The following RNF180 variants were observed in gnomAD, a reference collection of about 807,000 sequenced individuals.
RNF180 encodes the protein ring finger protein 180.
A neutral mutation model predicts 59.2 loss-of-function variants in RNF180; 38 were observed. The ratio of observed to expected loss-of-function variants is 0.64; its 90% CI spans 0.50 to 0.84. The LOEUF is 0.84. Ranked by LOEUF, RNF180 falls within the 40% of genes least tolerant of loss-of-function variation. The pLI, the probability that RNF180 is intolerant of heterozygous loss-of-function variation, is 0.00. For synonymous variants in RNF180, 262 were observed against 240.3 expected (o/e 1.09, Z -0.84); for missense variants, 705 against 700.9 (o/e 1.01, Z -0.07).
chr5:64,218,938 C>T (rs112477309), intron 5 of RNF180, among the ~76,000 whole-genome samples: 18 of 152,052 alleles, frequency 1.2e-4, no homozygotes, highest in African/African-American at 4.3e-4. Flanking sequence ...CTTGACGTTT[C>T]TTGTCAGATT....
chr5:64,221,353 G>A (rs957362189), intron 5 of RNF180, among the ~76,000 whole-genome samples: 9 of 151,950 alleles, frequency 5.9e-5, no homozygotes, highest in Non-Finnish European at 7.4e-5. Context: ...CAAAATAGTC[G>A]TTTAGTAAAG....
At chr5:64,171,434 A>G (rs1199695516) in intron 1 of RNF180, among the ~76,000 whole-genome samples, 1 of 152,196 alleles carries the variant, frequency 6.6e-6, no homozygotes, top group Non-Finnish European at 1.5e-5. Context: ...GAGCCCATCC[A>G]GAGAACATAT....
rs145543976 is a variant in RNF180 at position 64,255,267 on chromosome 5, A to T, written c.1227+37871A>T. Among the ~76,000 whole-genome samples the T allele has an allele frequency of 4.7e-3, 709 of 152,192 alleles. 21 individuals carry two copies. In the East Asian group the frequency reaches 0.068, roughly 15 times the overall value. Reference sequence around the variant, plus strand: ...TGTGCACAACGTGCAGGTTTGTTGCATATGTATACATGTGCCATGTTAGTG... The same window carrying T: ...TGTGCACAACGTGCAGGTTTGTTGCTTATGTATACATGTGCCATGTTAGTG... On this transcript the variant is annotated intron_variant, in intron 5 of 7. Transcript: ENST00000389100.
chr5:64,259,085 T>C (rs1174129010), intron 5 of RNF180, among the ~76,000 whole-genome samples: 7 of 152,152 alleles, frequency 4.6e-5, no homozygotes, highest in Non-Finnish European at 1.0e-4. Context: ...GAGCACTAAT[T>C]TGAAAGAGGA....
intron 5 of RNF180, among the ~76,000 whole-genome samples, chr5:64,297,513 T>C (rs1171656634): frequency 1.3e-5 from 2 of 152,072 alleles, no homozygotes; most frequent in Non-Finnish European, 2.9e-5. Flanking sequence ...TTTTCCTTTA[T>C]ATAAATTCAT....
chr5:64,172,535 G>A (rs746129981), intron 1 of RNF180, among the ~76,000 whole-genome samples: 18 of 152,166 alleles, frequency 1.2e-4, no homozygotes, highest in Non-Finnish European at 2.2e-4. Context: ...TGGGAAAATC[G>A]TGGATGAGCC....
At chr5:64,243,632 CA>C (rs1742962276) in intron 5 of RNF180, among the ~76,000 whole-genome samples, 1 of 152,196 alleles carries the variant, frequency 6.6e-6, no homozygotes, top group South Asian at 2.1e-4. Context: ...TAGGACAGAG[CA>C]GCTGGGGGAA....
chr5:64,179,874 T>A (rs935280857), intron 1 of RNF180, among the ~76,000 whole-genome samples: 8 of 152,208 alleles, frequency 5.3e-5, no homozygotes, highest in African/African-American at 1.9e-4. Context: ...GAGATTCTTC[T>A]TGTTGCTCCA....
chr5:64,263,268 T>G (rs1399221393), intron 5 of RNF180, among the ~76,000 whole-genome samples: 5 of 152,314 alleles, frequency 3.3e-5, no homozygotes, highest in Admixed American at 3.3e-4. Context: ...AAAACAGCAG[T>G]GTGCTGGGGA....
intron 7 of RNF180, among the ~76,000 whole-genome samples, chr5:64,353,654 T>A (rs533777174): frequency 6.6e-6 from 1 of 151,760 alleles, no homozygotes; most frequent in African/African-American, 2.4e-5. Flanking sequence ...AAGGAAAAAA[T>A]TGAAATATGT....
chr5:64,272,643 G>A (rs1405338460), intron 5 of RNF180, among the ~76,000 whole-genome samples: 1 of 151,944 alleles, frequency 6.6e-6, no homozygotes, highest in Non-Finnish European at 1.5e-5. Context: ...AGAAAGGATG[G>A]TAACGAAAAT....
Position 64,214,331 on chromosome 5 carries a change from G to T in RNF180, c.1005G>T (p.Leu335=), listed in dbSNP as rs1249519295. 1.2e-6 allele frequency: 2 copies of T among 1,613,882 alleles called. No homozygotes were observed. The highest frequency in any genetic ancestry group is 8.5e-7 in the Non-Finnish European group (1 of 1,179,970). The change falls in exon 4 of 8, where the codon CTG becomes CTT. Residue 335 remains leucine, a synonymous_variant. Transcript: ENST00000389100. ...NTNNLTFLMD[L]PSAGRSMPEA... ...ACAATCTGACTTTCCTGATGGACCTGCCCTCAGCTGGCAGGAGCATGCCGG... is the reference window on the plus strand; with the variant it reads ...ACAATCTGACTTTCCTGATGGACCTTCCCTCAGCTGGCAGGAGCATGCCGG...
At chr5:64,295,538 C>G (rs1742841349) in intron 5 of RNF180, among the ~76,000 whole-genome samples, 1 of 152,160 alleles carries the variant, frequency 6.6e-6, no homozygotes, top group Non-Finnish European at 1.5e-5. Flanking sequence ...AAAGATTGTA[C>G]TTGATACTAA....
chr5:64,245,006 G>C (rs1388782855), intron 5 of RNF180, among the ~76,000 whole-genome samples: 1 of 152,150 alleles, frequency 6.6e-6, no homozygotes, highest in South Asian at 2.1e-4. Flanking sequence ...ATAAGCAAAG[G>C]AGAAATAAAA....
At chr5:64,232,223 A>G (rs145740727) in intron 5 of RNF180, among the ~76,000 whole-genome samples, 6 of 152,324 alleles carry the variant, frequency 3.9e-5, no homozygotes, top group African/African-American at 7.2e-5. Context: ...AGAGATGGAT[A>G]TTTTAATCTC....
intron 7 of RNF180, among the ~76,000 whole-genome samples, chr5:64,363,504 T>C (rs1746335521): frequency 6.6e-6 from 1 of 151,948 alleles, no homozygotes. Flanking sequence ...GTAGTATAGT[T>C]TGAAGGCAGC....
At chr5:64,199,866 G>A (rs908692452) in intron 1 of RNF180, among the ~76,000 whole-genome samples, 2 of 152,144 alleles carry the variant, frequency 1.3e-5, no homozygotes, top group African/African-American at 2.4e-5. Flanking sequence ...AATCTCAGGT[G>A]CAAAAATAGA....
chr5:64,176,605 A>T (rs539370059), intron 1 of RNF180, among the ~76,000 whole-genome samples: 1 of 151,716 alleles, frequency 6.6e-6, no homozygotes, highest in Non-Finnish European at 1.5e-5. Flanking sequence ...GGAAATTGAA[A>T]CTCCTGAGTT....
Position 64,280,741 on chromosome 5 carries a change from C to T in RNF180, c.1228-44445C>T, listed in dbSNP as rs149361032. On this transcript the variant is annotated intron_variant, in intron 5 of 7. Coordinates refer to ENST00000389100, the MANE Select transcript of RNF180 (RefSeq NM_001113561.2). ...TATAGTTTAAAGTAGTGTGATACCT[C>T]CAGCTTTGTACCCTTTGCTTAGGAT... is the stretch of plus-strand genomic sequence containing the variant. 3.7e-3 allele frequency among the ~76,000 whole-genome samples: 558 copies of T among 152,184 alleles called. 2 individuals are homozygous for T. The highest frequency in any genetic ancestry group is 5.9e-3 in the Non-Finnish European group (402 of 67,992).
Sources: allele counts gnomAD v4.1 joint callset (sites outside exome capture counted in the v4.1 genomes callset), GRCh38; gene constraint gnomAD v4.1.1; transcripts MANE v1.5; gene names NCBI Gene and HGNC (gene_info 2026-07-23, HGNC 2026-07-21).